The following ATRNL1 variants were observed in gnomAD, a reference collection of about 807,000 sequenced individuals.
The protein encoded by ATRNL1 is attractin-like protein 1.
Under a neutral mutation model 182.7 loss-of-function variants are expected in ATRNL1, and 95 were observed. That is an observed-to-expected ratio of 0.52 (90% confidence interval 0.44 to 0.62). ATRNL1 has a LOEUF of 0.62. ATRNL1 is among the 20% of genes least tolerant of loss of function. The probability of loss-of-function intolerance (pLI) is 0.00; values close to 1 mark genes in which losing one functional copy is unlikely to be tolerated. For missense variants in ATRNL1, 1,471 were observed against 1,679.5 expected (o/e 0.88, Z 2.17); for synonymous variants, 576 against 568.3 (o/e 1.01, Z -0.19).
At chr10:115,107,385 G>C (rs1554866290) in intron 1 of ATRNL1, among the ~76,000 whole-genome samples, 1 of 152,232 alleles carries the variant, frequency 6.6e-6, no homozygotes, top group African/African-American at 2.4e-5. Flanking sequence ...AACAAACAAT[G>C]TTAAATCTGA....
chr10:115,794,279 C>G (rs1949599165), intron 27 of ATRNL1, among the ~76,000 whole-genome samples: 1 of 152,044 alleles, frequency 6.6e-6, no homozygotes, highest in African/African-American at 2.4e-5. Context: ...AATTTGCCAC[C>G]TGACACCCTT....
intron 19 of ATRNL1, among the ~76,000 whole-genome samples, chr10:115,371,904 T>A (rs1367231689): frequency 3.3e-5 from 5 of 152,166 alleles, no homozygotes; most frequent in East Asian, 1.9e-4. Flanking sequence ...GGAAAGGACC[T>A]GGTGGGAGAT....
intron 25 of ATRNL1, among the ~76,000 whole-genome samples, chr10:115,529,577 T>A (rs187084783): frequency 1.4e-4 from 21 of 151,410 alleles, no homozygotes; most frequent in African/African-American, 1.9e-4. Flanking sequence ...TAGTTTTTTT[T>A]ATTTAATGAT....
At chr10:115,105,802 G>C (rs984093255) in intron 1 of ATRNL1, among the ~76,000 whole-genome samples, 1 of 152,210 alleles carries the variant, frequency 6.6e-6, no homozygotes, top group Non-Finnish European at 1.5e-5. Context: ...GGGAACCTCT[G>C]TCTGCATTTC....
chr10:115,848,105 G>A (rs2134356574), intron 28 of ATRNL1, 114 bp downstream of exon 28: 1 of 640,324 alleles, frequency 1.6e-6, no homozygotes, highest in Admixed American at 2.6e-5. Context: ...CTAATTTAGA[G>A]CATGGTAAAA....
At chr10:115,146,844 T>C (rs886199997) in intron 5 of ATRNL1, among the ~76,000 whole-genome samples, 2 of 151,800 alleles carry the variant, frequency 1.3e-5, no homozygotes, top group East Asian at 3.9e-4. Context: ...ATTATGTATA[T>C]ACACTATATT....
intron 1 of ATRNL1, among the ~76,000 whole-genome samples, chr10:115,119,135 G>A (rs782361885): frequency 2.6e-5 from 4 of 152,026 alleles, no homozygotes; most frequent in Non-Finnish European, 5.9e-5. Context: ...GCTCTTCAAA[G>A]ATTTTCCAAG....
rs908374166 is a variant in ATRNL1 at position 115,452,816 on chromosome 10, C to T, written c.3323-9125C>T. ...GCTTAATCATTTTGCATAACTGAAG[C>T]TTTGTACCCTTTGAGTAACCCTTCC... On this transcript the variant is annotated intron_variant, in intron 21 of 28. Coordinates refer to ENST00000355044, the MANE Select transcript of ATRNL1 (RefSeq NM_207303.4). 2.6e-5 allele frequency among the ~76,000 whole-genome samples: 4 copies of T among 152,172 alleles called. No individual in the cohort carries two copies. The East Asian group carries it at 7.7e-4, about 29-fold the overall frequency.
chr10:115,599,626 T>C (rs57355251), intron 26 of ATRNL1, among the ~76,000 whole-genome samples: 7,367 of 152,170 alleles, frequency 0.048, 535 homozygotes, highest in African/African-American at 0.16. Flanking sequence ...GTTCCAGCAG[T>C]TTTACCTATC....
In ATRNL1 at chr10:115,121,764, A is replaced by T. The variant is rs1844746888; in HGVS notation, c.443A>T (p.Tyr148Phe). 6.3e-7 allele frequency: 1 copy of T among 1,575,302 alleles called. No individual in the cohort carries two copies. Among genetic ancestry groups the T allele is most frequent in the African/African-American group, 1.4e-5 (1 of 73,628 alleles). Residue 148 changes from tyrosine (Y) to phenylalanine (F), a missense_variant, in exon 3 of 29, where the codon TAT (tyrosine) becomes TTT (phenylalanine). Transcript: ENST00000355044. ...FATECSWDHM[Y>F]VYDGDSIYAP... The stretch of plus-strand genomic sequence containing the variant: ...ACAGAATGTAGCTGGGATCATATGT[A>T]TGTTTATGATGGAGATTCAATATAT...
chr10:115,476,816 C>T (rs1554973218), intron 24 of ATRNL1, among the ~76,000 whole-genome samples: 1 of 151,306 alleles, frequency 6.6e-6, no homozygotes, highest in South Asian at 2.1e-4. Flanking sequence ...ATAACCTCCC[C>T]TTATACCTAA....
At chr10:115,572,844 T>C (rs1854480571) in intron 26 of ATRNL1, among the ~76,000 whole-genome samples, 3 of 152,294 alleles carry the variant, frequency 2.0e-5, no homozygotes, top group African/African-American at 4.8e-5. Context: ...GGACATATGA[T>C]TGGGGTGTGG....
chr10:115,400,543 G>A (rs1844515936), intron 20 of ATRNL1, among the ~76,000 whole-genome samples: 1 of 152,048 alleles, frequency 6.6e-6, no homozygotes, highest in Admixed American at 6.6e-5. Context: ...TCAGTGGTGT[G>A]TTAATGTCTC....
At chr10:115,660,581 T>C (rs1459028206) in intron 26 of ATRNL1, among the ~76,000 whole-genome samples, 1 of 151,904 alleles carries the variant, frequency 6.6e-6, no homozygotes, top group Non-Finnish European at 1.5e-5. Flanking sequence ...GCAAGGATAT[T>C]TTAAGAACGC....
At chr10:115,917,210 C>T (rs1416448322) in intron 28 of ATRNL1, among the ~76,000 whole-genome samples, 1 of 151,804 alleles carries the variant, frequency 6.6e-6, no homozygotes, top group East Asian at 1.9e-4. Flanking sequence ...GTGGCTCGCG[C>T]CTGTAATCCC....
chr10:115,561,690 G>GGGGGGGGTGTGTGT (rs1554999705), intron 26 of ATRNL1, among the ~76,000 whole-genome samples: 5 of 50,446 alleles, frequency 9.9e-5, no homozygotes, highest in African/African-American at 3.5e-4. Flanking sequence ...TGTGTGTGTG[G>GGGGGGGGTGTGTGT]GTGTGTGTGT....
intron 5 of ATRNL1, among the ~76,000 whole-genome samples, chr10:115,152,368 G>A (rs1253882459): frequency 6.6e-6 from 1 of 152,156 alleles, no homozygotes; most frequent in Non-Finnish European, 1.5e-5. Context: ...TCTTCCATTT[G>A]TTTGTGTCCT....
chr10:115,837,324 C>T (rs1157610866), intron 27 of ATRNL1, among the ~76,000 whole-genome samples: 4 of 152,074 alleles, frequency 2.6e-5, no homozygotes, highest in African/African-American at 9.6e-5. Flanking sequence ...CAGGAAGACC[C>T]CAGAGACCTG....
chr10:115,133,071 C>G (rs1554875639), intron 5 of ATRNL1, among the ~76,000 whole-genome samples: 1 of 152,146 alleles, frequency 6.6e-6, no homozygotes, highest in Non-Finnish European at 1.5e-5. Context: ...TTCAGTCCAA[C>G]ATTTAAGTCT....
Sources: gnomAD v4.1 joint callset for allele counts (sites outside exome capture counted in the v4.1 genomes callset) on GRCh38, gnomAD v4.1.1 for gene constraint, MANE v1.5 for transcripts, NCBI Gene and HGNC (gene_info 2026-07-23, HGNC 2026-07-21) for gene names.